Variants in CNOT4 observed in about 807,000 individuals in gnomAD.
CNOT4 encodes CCR4-NOT transcription complex subunit 4, also known as CCR4-associated factor 4.
A neutral mutation model predicts 73.8 loss-of-function variants in CNOT4; 8 were observed. The ratio of observed to expected loss-of-function variants is 0.11; its 90% confidence interval spans 0.06 to 0.20. The LOEUF (loss-of-function observed/expected upper bound fraction) is 0.20, where lower values mean the gene tolerates loss of function less well. Among genes scored for constraint, CNOT4 ranks in the 10% least tolerant of loss-of-function variants. The pLI, the probability that CNOT4 is intolerant of heterozygous loss-of-function variation, is 1.00. For synonymous variants in CNOT4, 293 were observed against 321.1 expected (o/e 0.91, Z 0.94); for missense variants, 564 against 883.4 (o/e 0.64, Z 4.58).
At chr7:135,509,138 G>A (rs991463002) in intron 1 of CNOT4, 1 of 152,112 alleles carries the variant, frequency 6.6e-6, no homozygotes, top group African/African-American at 2.4e-5. Context: ...CCTTTTTCTG[G>A]AAGTGTATAT....
chr7:135,401,861 T>G (rs770836575), intron 7 of CNOT4, among the ~76,000 whole-genome samples: 2 of 152,098 alleles, frequency 1.3e-5, no homozygotes, highest in African/African-American at 2.4e-5. Context: ...GAAAGAGAAA[T>G]CAAGATGCTG....
intron 1 of CNOT4, among the ~76,000 whole-genome samples, chr7:135,486,581 T>C (rs1485589837): frequency 2.6e-5 from 4 of 152,246 alleles, no homozygotes; most frequent in South Asian, 2.1e-4. Context: ...TAAAAACTTA[T>C]GTTATATGAA....
intron 1 of CNOT4, among the ~76,000 whole-genome samples, chr7:135,450,021 T>C (rs1318756593): frequency 6.6e-6 from 1 of 152,066 alleles, no homozygotes; most frequent in Non-Finnish European, 1.5e-5. Flanking sequence ...TTGTTCTACT[T>C]TCATGTATGC....
chr7:135,482,259 C>T (rs574979524), intron 1 of CNOT4, among the ~76,000 whole-genome samples: 1 of 152,208 alleles, frequency 6.6e-6, no homozygotes, highest in Admixed American at 6.5e-5. Context: ...TTTAAAAGCT[C>T]CCAATAAAGA....
chr7:135,501,213 G>T (rs903367333), intron 1 of CNOT4, among the ~76,000 whole-genome samples: 5 of 152,076 alleles, frequency 3.3e-5, no homozygotes, highest in Non-Finnish European at 7.4e-5. Context: ...TCAAACTCCT[G>T]ACCTCAAGCA....
chr7:135,467,126 C>T (rs1585689099), intron 1 of CNOT4, among the ~76,000 whole-genome samples: 1 of 152,136 alleles, frequency 6.6e-6, no homozygotes, highest in East Asian at 1.9e-4. Context: ...TCCTATTAGG[C>T]ATATACTATG....
intron 1 of CNOT4, among the ~76,000 whole-genome samples, chr7:135,450,272 T>G (rs1389551791): frequency 6.6e-6 from 1 of 152,076 alleles, no homozygotes. Flanking sequence ...TCTGAAGACG[T>G]TTTTTAAGAA....
intron 3 of CNOT4, among the ~76,000 whole-genome samples, 168 bp from the exon 4 acceptor site, chr7:135,415,430 G>C (rs533106116): frequency 4.2e-4 from 64 of 152,098 alleles, no homozygotes; most frequent in African/African-American, 1.5e-3. Flanking sequence ...CTAACCTATA[G>C]GAAATCAAAA....
At position 135,454,293 on chromosome 7, in the gene CNOT4, A is replaced by G. The variant is rs138218880; in HGVS notation, c.-92-15870T>C. Reference sequence around the variant, plus strand: ...CTAGTTCATTCCTGTTTCCAATAGAAAATGTTAACCAAATTAGTATTACTA... The same window carrying G: ...CTAGTTCATTCCTGTTTCCAATAGAGAATGTTAACCAAATTAGTATTACTA... On this transcript the variant is annotated intron_variant, in intron 1 of 11. Transcript: ENST00000541284. Among the ~76,000 whole-genome samples, 78 of 152,094 alleles carry G rather than the reference A, an allele frequency of 5.1e-4. 1 individual carries two copies. In the East Asian group the frequency reaches 0.014, roughly 27 times the overall value.
chr7:135,464,010 T>A (rs1585684298), intron 1 of CNOT4, among the ~76,000 whole-genome samples: 1 of 83,856 alleles, frequency 1.2e-5, no homozygotes. Flanking sequence ...TCAGGATGGC[T>A]ATTATTAAAA....
intron 7 of CNOT4, among the ~76,000 whole-genome samples, chr7:135,404,040 T>C (rs1309735674): frequency 6.6e-6 from 1 of 152,180 alleles, no homozygotes; most frequent in Non-Finnish European, 1.5e-5. Flanking sequence ...ACAAATACTT[T>C]AGACAAGTGG....
chr7:135,493,473 T>C (rs1803251342), intron 1 of CNOT4, among the ~76,000 whole-genome samples: 1 of 152,114 alleles, frequency 6.6e-6, no homozygotes, highest in African/African-American at 2.4e-5. Context: ...AGACAAAATG[T>C]TCAGAGAAAG....
chr7:135,376,668 A>C (rs1416961780), intron 10 of CNOT4, among the ~76,000 whole-genome samples: 1 of 152,194 alleles, frequency 6.6e-6, no homozygotes, highest in Admixed American at 6.5e-5. Flanking sequence ...CATCAAACCC[A>C]GTTCTTTACT....
At chr7:135,383,308 C>T (rs893118474) in intron 10 of CNOT4, among the ~76,000 whole-genome samples, 2 of 152,144 alleles carry the variant, frequency 1.3e-5, no homozygotes, top group African/African-American at 2.4e-5. Context: ...ACTCATCATA[C>T]ACCATACCTA....
chr7:135,508,656 CATAA>C (rs1402827250), intron 1 of CNOT4, among the ~76,000 whole-genome samples: 1 of 152,142 alleles, frequency 6.6e-6, no homozygotes, highest in Non-Finnish European at 1.5e-5. Flanking sequence ...CCACTCAAAT[CATAA>C]ATAAAATGTC....
chr7:135,480,230 T>C (rs1802284751), intron 1 of CNOT4, among the ~76,000 whole-genome samples: 1 of 152,230 alleles, frequency 6.6e-6, no homozygotes, highest in Admixed American at 6.5e-5. Context: ...AGGGTTTTGA[T>C]TTCTTGTCAC....
chr7:135,372,697 C>T (rs558482335), intron 10 of CNOT4, among the ~76,000 whole-genome samples: 1 of 152,152 alleles, frequency 6.6e-6, no homozygotes, highest in African/African-American at 2.4e-5. Flanking sequence ...GCTGGGATTA[C>T]AGGCACACAC....
intron 2 of CNOT4, among the ~76,000 whole-genome samples, chr7:135,437,808 A>C (rs555572858): frequency 6.6e-6 from 1 of 152,296 alleles, no homozygotes; most frequent in South Asian, 2.1e-4. Flanking sequence ...TGTTTTTCTA[A>C]TTTCATGCAA....
chr7:135,419,980 G>A (rs969995501), intron 3 of CNOT4, among the ~76,000 whole-genome samples: 1 of 152,070 alleles, frequency 6.6e-6, no homozygotes, highest in African/African-American at 2.4e-5. Flanking sequence ...TTGAACCCAG[G>A]GGGTGGAGGC....
Sources: allele counts gnomAD v4.1 joint callset (sites outside exome capture counted in the v4.1 genomes callset), GRCh38; gene constraint gnomAD v4.1.1; transcripts MANE v1.5; gene names NCBI Gene and HGNC (gene_info 2026-07-23, HGNC 2026-07-21).